Variants in CPNE4 observed in about 807,000 individuals in gnomAD.
The protein encoded by CPNE4 is copine-4.
Under a neutral mutation model 67.9 loss-of-function variants are expected in CPNE4, and 25 were observed. The observed-to-expected ratio is 0.37, with a 90% CI of 0.27 to 0.51. The LOEUF is 0.51. Ranked by LOEUF, CPNE4 falls within the 20% of genes least tolerant of loss-of-function variation. The pLI is 0.93. For synonymous variants in CPNE4, 242 were observed against 244.9 expected (o/e 0.99, Z 0.11); for missense variants, 464 against 690.8 (o/e 0.67, Z 3.68).
chr3:131,695,425 C>A (rs945418901), intron 5 of CPNE4, among the ~76,000 whole-genome samples: 43 of 152,298 alleles, frequency 2.8e-4, no homozygotes, highest in African/African-American at 1.0e-3. Context: ...TCCAAGCCCG[C>A]CCCCTTTTAC....
intron 3 of CPNE4, among the ~76,000 whole-genome samples, chr3:131,720,727 C>T (rs2081861490): frequency 6.6e-6 from 1 of 152,186 alleles, no homozygotes; most frequent in Middle Eastern, 3.2e-3. Flanking sequence ...GCTCCAGTTA[C>T]GTACGGTGGT....
intron 2 of CPNE4, among the ~76,000 whole-genome samples, chr3:131,801,150 A>T (rs1027760833): frequency 1.8e-4 from 27 of 151,844 alleles, no homozygotes; most frequent in Admixed American, 1.5e-3. Context: ...ATTTTTTCAA[A>T]GGGCCTTGGA....
At chr3:131,865,828 G>T (rs1193063891) in intron 2 of CPNE4, among the ~76,000 whole-genome samples, 1 of 152,220 alleles carries the variant, frequency 6.6e-6, no homozygotes, top group Non-Finnish European at 1.5e-5. Flanking sequence ...ACCAGTACCT[G>T]TGGATGGGAA....
chr3:131,771,214 C>A (rs2080345582), intron 2 of CPNE4, among the ~76,000 whole-genome samples: 1 of 152,074 alleles, frequency 6.6e-6, no homozygotes, highest in Non-Finnish European at 1.5e-5. Context: ...AATAAAAAAT[C>A]TTTAAAATTT....
chr3:131,601,298 T>A (rs1939192661), intron 7 of CPNE4, among the ~76,000 whole-genome samples: 1 of 152,132 alleles, frequency 6.6e-6, no homozygotes, highest in African/African-American at 2.4e-5. Flanking sequence ...CACGTTTTTT[T>A]ATCAACTACA....
chr3:131,595,929 C>T (rs1938815688), intron 7 of CPNE4, among the ~76,000 whole-genome samples: 1 of 152,110 alleles, frequency 6.6e-6, no homozygotes, highest in African/African-American at 2.4e-5. Context: ...GAAGCATGTA[C>T]AATAGTCAAA....
At chr3:132,035,953 TGGA>T (rs2074331761), upstream of CPNE4, among the ~76,000 whole-genome samples, 1 of 152,264 alleles carries the variant, frequency 6.6e-6, no homozygotes, top group Admixed American at 6.5e-5. Flanking sequence ...ACCTGAAGGT[TGGA>T]GGAGATATTA....
chr3:131,978,243 TTATATAAATATATATATTTA>T (rs1205015992), intron 1 of CPNE4, among the ~76,000 whole-genome samples: 699 of 15,486 alleles, frequency 0.045, 112 homozygotes, highest in Non-Finnish European at 0.052. Context: ...TTATATATAT[TTATATAAATATATATATTTA>T]TATATATTTT....
At chr3:131,682,653 C>T (rs1340738292) in intron 6 of CPNE4, among the ~76,000 whole-genome samples, 1 of 151,956 alleles carries the variant, frequency 6.6e-6, no homozygotes, top group Non-Finnish European at 1.5e-5. Flanking sequence ...TACCTATGTT[C>T]ACACAAGGCT....
intron 7 of CPNE4, among the ~76,000 whole-genome samples, chr3:131,656,502 C>T (rs749899222): frequency 1.3e-5 from 2 of 152,136 alleles, no homozygotes; most frequent in Admixed American, 6.5e-5. Flanking sequence ...TCAATGGTAT[C>T]GAGCTAATGT....
At chr3:131,977,268 C>T (rs1382481375) in intron 1 of CPNE4, among the ~76,000 whole-genome samples, 1 of 152,154 alleles carries the variant, frequency 6.6e-6, no homozygotes, top group Non-Finnish European at 1.5e-5. Context: ...TCCAAAGTTG[C>T]ACTTAAATTG....
intron 2 of CPNE4, among the ~76,000 whole-genome samples, chr3:131,878,345 G>T (rs1263960620): frequency 6.6e-6 from 1 of 152,116 alleles, no homozygotes; most frequent in African/African-American, 2.4e-5. Context: ...TATAGTGTTA[G>T]ATGAAAGAAG....
chr3:131,875,724 T>A (rs2087418050), intron 2 of CPNE4, among the ~76,000 whole-genome samples: 1 of 151,892 alleles, frequency 6.6e-6, no homozygotes. Context: ...GAGATATACC[T>A]AATGTTAAAT....
Position 131,991,001 on chromosome 3 carries a change from C to T in CPNE4, c.-2+43566G>A, listed in dbSNP as rs111685380. 9.0e-3 allele frequency among the ~76,000 whole-genome samples: 1,220 copies of T among 136,262 alleles called. 95 individuals carry two copies. Among genetic ancestry groups the T allele is most frequent in the African/African-American group, 0.028 (1,123 of 40,744 alleles). The allele number at this position is 136,262 out of a possible 152,430, so 89.4% of individuals were successfully genotyped here. A position where few individuals can be genotyped will look rare whatever the true frequency, so the allele number is the denominator to read the frequency against. ...TGCCACGTGAAGAAAAATATGTTTGCTTCCCCTTCCACCGTGATTGTAAGT... is the reference window on the plus strand; with the variant it reads ...TGCCACGTGAAGAAAAATATGTTTGTTTCCCCTTCCACCGTGATTGTAAGT... On this transcript the variant is annotated intron_variant, in intron 1 of 15. Coordinates refer to ENST00000429747, the MANE Select transcript of CPNE4 (RefSeq NM_130808.3).
At chr3:132,003,776 A>G (rs2073517265) in intron 1 of CPNE4, among the ~76,000 whole-genome samples, 1 of 152,112 alleles carries the variant, frequency 6.6e-6, no homozygotes, top group South Asian at 2.1e-4. Flanking sequence ...GTTTATTGGG[A>G]TCTGGGAAAG....
chr3:131,710,488 T>A (rs1365452675), intron 3 of CPNE4, among the ~76,000 whole-genome samples: 1 of 152,222 alleles, frequency 6.6e-6, no homozygotes. Flanking sequence ...GAACTGCTAC[T>A]CTACCTTTTC....
chr3:131,878,239 A>T (rs2087533691), intron 2 of CPNE4, among the ~76,000 whole-genome samples: 1 of 152,212 alleles, frequency 6.6e-6, no homozygotes. Context: ...CAGCAGTAGG[A>T]TAGATAAATC....
At chr3:132,012,032 C>A (rs1207785521) in intron 1 of CPNE4, among the ~76,000 whole-genome samples, 1 of 152,096 alleles carries the variant, frequency 6.6e-6, no homozygotes, top group Non-Finnish European at 1.5e-5. Context: ...ACAGATAGTA[C>A]ATTTTTTAGG....
At chr3:131,951,048 T>A (rs1460197583) in intron 1 of CPNE4, among the ~76,000 whole-genome samples, 1 of 152,238 alleles carries the variant, frequency 6.6e-6, no homozygotes, top group Admixed American at 6.5e-5. Flanking sequence ...CATATAAATT[T>A]AGGAGTAAGT....
Sources: gnomAD v4.1 joint callset for allele counts (sites outside exome capture counted in the v4.1 genomes callset) on GRCh38, gnomAD v4.1.1 for gene constraint, MANE v1.5 for transcripts, NCBI Gene and HGNC (gene_info 2026-07-23, HGNC 2026-07-21) for gene names.